The following SLC16A7 variants were observed in gnomAD, a reference collection of about 807,000 sequenced individuals.
The protein encoded by SLC16A7 is solute carrier family 16 member 7, also known as monocarboxylate transporter 2.
In SLC16A7, 33 loss-of-function variants were observed where a neutral mutation model predicts 34.9. The observed-to-expected ratio is 0.94, with a 90% CI of 0.72 to 1.26. SLC16A7 has a LOEUF of 1.26. Among genes scored for constraint, SLC16A7 ranks in the 50% most tolerant of loss-of-function variants. SLC16A7 has a pLI of 0.00. For synonymous variants in SLC16A7, 201 were observed against 206.6 expected (o/e 0.97, Z 0.23); for missense variants, 573 against 578.1 (o/e 0.99, Z 0.09).
chr12:59,627,831 C>T (rs1237756568), intron 1 of SLC16A7, among the ~76,000 whole-genome samples: 1 of 151,204 alleles, frequency 6.6e-6, no homozygotes, highest in Admixed American at 6.6e-5. Flanking sequence ...GTTGCCCTAA[C>T]TCATCTCTTT....
chr12:59,739,974 T>C (rs1399758922), intron 3 of SLC16A7, among the ~76,000 whole-genome samples: 1 of 152,022 alleles, frequency 6.6e-6, no homozygotes, highest in Non-Finnish European at 1.5e-5. Context: ...GTTGGGAAAA[T>C]TTTCTCCCAT....
intron 2 of SLC16A7, among the ~76,000 whole-genome samples, chr12:59,694,168 A>G (rs1871999144): frequency 6.6e-6 from 1 of 151,934 alleles, no homozygotes; most frequent in Admixed American, 6.6e-5. Flanking sequence ...TGGCTATAAT[A>G]ATTAAAGCTA....
intron 3 of SLC16A7, chr12:59,733,759 A>G (rs1024166243): frequency 3.9e-5 from 18 of 455,960 alleles, no homozygotes; most frequent in Non-Finnish European, 7.5e-5. Flanking sequence ...AATGAAGCAC[A>G]TGGACAACCG....
rs1447312194 is a variant in SLC16A7 at position 59,779,644 on chromosome 12, C to A, written c.1402C>A (p.Gln468Lys). ...TGTTAACGTCAAAGTTTCAAATGCA[C>A]AGAGTGTAACCTCAGAAAGAGAAAC... ...EDVNVKVSNA[Q>K]SVTSERETNI Residue 468 changes from glutamine to lysine, a missense_variant, in exon 6 of 6, where the codon CAG becomes AAG. Coordinates refer to ENST00000547379, the MANE Select transcript of SLC16A7 (RefSeq NM_001270623.2). 6.2e-7 allele frequency: 1 copy of A among 1,611,268 alleles called. No individual in the cohort carries two copies. The highest frequency in any genetic ancestry group is 1.7e-5 in the Admixed American group (1 of 59,808).
chr12:59,706,829 A>C (rs1188280452), intron 3 of SLC16A7, among the ~76,000 whole-genome samples: 1 of 152,110 alleles, frequency 6.6e-6, no homozygotes, highest in African/African-American at 2.4e-5. Flanking sequence ...AAGTCCATTG[A>C]ATTTGAACTT....
intron 1 of SLC16A7, among the ~76,000 whole-genome samples, chr12:59,611,451 G>A (rs186560200): frequency 6.6e-6 from 1 of 152,088 alleles, no homozygotes; most frequent in African/African-American, 2.4e-5. Context: ...CATGACATGT[G>A]GGGGATTCTA....
intron 3 of SLC16A7, among the ~76,000 whole-genome samples, chr12:59,749,014 A>G (rs1053260944): frequency 6.6e-6 from 1 of 152,358 alleles, no homozygotes; most frequent in South Asian, 2.1e-4. Flanking sequence ...GATGACTTCC[A>G]AGACATCACT....
intron 3 of SLC16A7, among the ~76,000 whole-genome samples, chr12:59,705,646 A>G (rs1003118727): frequency 6.6e-6 from 1 of 152,158 alleles, no homozygotes; most frequent in Non-Finnish European, 1.5e-5. Context: ...GTACCATCCC[A>G]CTTCTAAATG....
chr12:59,760,571 C>T (rs1055456020), intron 3 of SLC16A7, among the ~76,000 whole-genome samples: 3 of 152,028 alleles, frequency 2.0e-5, no homozygotes, highest in East Asian at 1.9e-4. Flanking sequence ...GTAAAAGTTA[C>T]GTGAATGTGG....
chr12:59,640,775 A>G (rs1880648817), intron 1 of SLC16A7, among the ~76,000 whole-genome samples: 1 of 152,110 alleles, frequency 6.6e-6, no homozygotes, highest in South Asian at 2.1e-4. Flanking sequence ...TCATCTTGGA[A>G]GCCTCATAAA....
intron 3 of SLC16A7, among the ~76,000 whole-genome samples, chr12:59,709,862 G>A (rs1342233679): frequency 6.6e-6 from 1 of 151,552 alleles, no homozygotes; most frequent in Non-Finnish European, 1.5e-5. Flanking sequence ...CTTAGGCTGA[G>A]GCCAAGTGAC....
At chr12:59,750,171 T>C (rs2952446) in intron 3 of SLC16A7, among the ~76,000 whole-genome samples, 18,665 of 152,072 alleles carry the variant, frequency 0.12, 1,501 homozygotes, top group African/African-American at 0.22. Flanking sequence ...ACTTCATGAC[T>C]AAAACACCAA....
intron 3 of SLC16A7, among the ~76,000 whole-genome samples, chr12:59,724,837 C>A (rs1876043040): frequency 6.6e-6 from 1 of 151,824 alleles, no homozygotes; most frequent in African/African-American, 2.4e-5. Flanking sequence ...GGAATTTCTG[C>A]ATTTAAGAGG....
chr12:59,729,874 T>G (rs892202826), intron 3 of SLC16A7, among the ~76,000 whole-genome samples: 5 of 152,252 alleles, frequency 3.3e-5, no homozygotes, highest in Non-Finnish European at 5.9e-5. Flanking sequence ...TGGAAAGTGC[T>G]ATCCAGTCAT....
intron 3 of SLC16A7, among the ~76,000 whole-genome samples, chr12:59,743,520 T>C (rs1278219371): frequency 3.3e-5 from 5 of 152,182 alleles, no homozygotes; most frequent in Non-Finnish European, 7.4e-5. Flanking sequence ...TCATAATCCC[T>C]GCACATAGCC....
chr12:59,711,405 C>CATAG (rs1431867156), intron 3 of SLC16A7, among the ~76,000 whole-genome samples: 2 of 152,134 alleles, frequency 1.3e-5, no homozygotes, highest in Non-Finnish European at 2.9e-5. Flanking sequence ...TAGCAAGCTG[C>CATAG]ATAGATAGGT....
At chr12:59,735,189 T>A (rs1764026885) in intron 3 of SLC16A7, among the ~76,000 whole-genome samples, 1 of 152,230 alleles carries the variant, frequency 6.6e-6, no homozygotes, top group Admixed American at 6.5e-5. Flanking sequence ...AACTTCTACC[T>A]CGAAGACATA....
chr12:59,751,556 C>T (rs1052402525), intron 3 of SLC16A7, among the ~76,000 whole-genome samples: 21 of 152,328 alleles, frequency 1.4e-4, no homozygotes, highest in Admixed American at 8.5e-4. Context: ...GGGGGAGGTG[C>T]GCCCGCCATT....
chr12:59,686,266 C>T (rs189626110), intron 2 of SLC16A7, among the ~76,000 whole-genome samples: 24 of 151,544 alleles, frequency 1.6e-4, no homozygotes, highest in East Asian at 7.8e-4. Flanking sequence ...CTAAGACAGC[C>T]GATAAGAGAA....
Sources: gnomAD v4.1 joint callset for allele counts (sites outside exome capture counted in the v4.1 genomes callset) on GRCh38, gnomAD v4.1.1 for gene constraint, MANE v1.5 for transcripts, NCBI Gene and HGNC (gene_info 2026-07-23, HGNC 2026-07-21) for gene names.